The following FGF12 variants were observed in gnomAD, a reference collection of about 807,000 sequenced individuals.
FGF12 encodes fibroblast growth factor 12B.
A neutral mutation model predicts 23.6 loss-of-function variants in FGF12; 14 were observed. The observed-to-expected ratio is 0.59, with a 90% confidence interval of 0.39 to 0.93. FGF12 has a LOEUF of 0.93. Among genes scored for constraint, FGF12 ranks in the 40% least tolerant of loss-of-function variants. FGF12 has a pLI of 0.00. For synonymous variants in FGF12, 62 were observed against 77.3 expected (o/e 0.80, Z 1.04); for missense variants, 175 against 217.8 (o/e 0.80, Z 1.24).
chr3:192,489,800 C>T (rs745547151), intron 2 of FGF12, among the ~76,000 whole-genome samples: 25 of 151,768 alleles, frequency 1.6e-4, no homozygotes, highest in South Asian at 2.1e-4. Flanking sequence ...GACACAGAGA[C>T]GGGAATGACA....
At chr3:192,669,442 C>T (rs537696953) in intron 2 of FGF12, among the ~76,000 whole-genome samples, 1 of 151,392 alleles carries the variant, frequency 6.6e-6, no homozygotes, top group African/African-American at 2.4e-5. Context: ...AAAAATTTAG[C>T]TGGGCATGGT....
intron 4 of FGF12, among the ~76,000 whole-genome samples, chr3:192,281,783 C>G (rs1350172844): frequency 2.0e-5 from 3 of 152,096 alleles, no homozygotes; most frequent in African/African-American, 7.2e-5. Flanking sequence ...TGTGCCTCAG[C>G]CCTCCCAAAG....
chr3:192,361,510 G>A (rs867988833), intron 2 of FGF12, among the ~76,000 whole-genome samples: 1 of 152,216 alleles, frequency 6.6e-6, no homozygotes, highest in Middle Eastern at 3.4e-3. Flanking sequence ...AGGCAAAGAT[G>A]GAAATCATAT....
rs149609155 is a variant in FGF12, at chr3:192,699,505, A to C, written c.13+27676T>G. 1.3e-3 allele frequency among the ~76,000 whole-genome samples: 197 copies of C among 152,332 alleles called. 5 individuals are homozygous for C. The highest frequency in any genetic ancestry group is 0.012 in the South Asian group (58 of 4,826). On this transcript the variant is annotated intron_variant, in intron 2 of 5. Coordinates refer to ENST00000445105, the MANE Select transcript of FGF12 (RefSeq NM_004113.6). ...ACGCTTATTTCTATTTTATAAAAGA[A>C]GAGCACAATGATCTAGGACACGTTA... is the stretch of plus-strand genomic sequence containing the variant.
chr3:192,218,851 T>C (rs1488148934), intron 4 of FGF12, among the ~76,000 whole-genome samples: 1 of 152,176 alleles, frequency 6.6e-6, no homozygotes, highest in Non-Finnish European at 1.5e-5. Context: ...GATTGCTAGA[T>C]TTGCTCCACA....
chr3:192,308,487 G>A (rs1055255567), intron 4 of FGF12, among the ~76,000 whole-genome samples: 5 of 152,124 alleles, frequency 3.3e-5, no homozygotes, highest in Admixed American at 6.5e-5. Context: ...AGACCAGCCT[G>A]ACCAACATGG....
At chr3:192,423,992 C>T (rs576032487) in intron 2 of FGF12, among the ~76,000 whole-genome samples, 4 of 152,034 alleles carry the variant, frequency 2.6e-5, no homozygotes, top group Admixed American at 1.3e-4. Context: ...CTCTGATCTC[C>T]GAAATTTGAA....
intron 2 of FGF12, among the ~76,000 whole-genome samples, chr3:192,706,450 C>T (rs1462174125): frequency 1.3e-5 from 2 of 152,076 alleles, no homozygotes; most frequent in Non-Finnish European, 1.5e-5. Context: ...GAACAGCACC[C>T]GGATGAATTC....
chr3:192,648,398 T>A (rs536492312), intron 2 of FGF12, among the ~76,000 whole-genome samples: 13 of 152,028 alleles, frequency 8.6e-5, no homozygotes, highest in African/African-American at 2.7e-4. Flanking sequence ...CTGAGATACA[T>A]CTATATACAC....
intron 2 of FGF12, among the ~76,000 whole-genome samples, chr3:192,390,362 C>T (rs188033154): frequency 1.4e-3 from 210 of 152,252 alleles, no homozygotes; most frequent in Admixed American, 4.0e-3. Flanking sequence ...TAAGATCTCA[C>T]CAAAGTACAG....
rs11925400 is a variant in FGF12, at chr3:192,624,618, A to G, written c.13+102563T>C. 6.5e-3 allele frequency among the ~76,000 whole-genome samples: 994 copies of G among 152,294 alleles called. 8 individuals carry two copies. Among genetic ancestry groups the G allele is most frequent in the African/African-American group, 0.023 (950 of 41,574 alleles). On this transcript the variant is annotated intron_variant, in intron 2 of 5. Coordinates refer to ENST00000445105, the MANE Select transcript of FGF12 (RefSeq NM_004113.6). ...CTTTAAAAAATCATTTTTCATCAGT[A>G]TTATAAAATAATTATATAGCATCTT...
At chr3:192,723,444 C>T (rs1476752520) in intron 2 of FGF12, among the ~76,000 whole-genome samples, 8 of 152,090 alleles carry the variant, frequency 5.3e-5, no homozygotes, top group African/African-American at 1.7e-4. Context: ...CTGAGATCTA[C>T]ACCAGTGCTT....
intron 2 of FGF12, among the ~76,000 whole-genome samples, chr3:192,661,091 T>C (rs986581572): frequency 6.6e-6 from 1 of 152,070 alleles, no homozygotes; most frequent in Non-Finnish European, 1.5e-5. Context: ...GGGATGATGA[T>C]AAGTGATGAG....
chr3:192,567,091 C>T (rs1244593194), intron 2 of FGF12, among the ~76,000 whole-genome samples: 2 of 152,180 alleles, frequency 1.3e-5, no homozygotes, highest in African/African-American at 4.8e-5. Flanking sequence ...GAGAAGTCAA[C>T]AGGAAAAGGA....
At position 192,727,302 on chromosome 3, in the gene FGF12, T is replaced by TC; in HGVS notation, c.-110dup. On this transcript the variant is annotated 5_prime_UTR_variant, in exon 2 of 6. Coordinates refer to ENST00000445105, the MANE Select transcript of FGF12 (RefSeq NM_004113.6). ...CCAATCTGATGATTTCGCCCGTACT[T>TC]CCTTCCTTCCCCTCAGGCTTCCTGA... is the stretch of plus-strand genomic sequence containing the variant. The TC allele has an allele frequency of 6.4e-7, 1 of 1,551,504 alleles. No homozygotes were observed. The highest frequency in any genetic ancestry group is 8.7e-7 in the Non-Finnish European group (1 of 1,146,868).
At chr3:192,460,684 A>T (rs55958083) in intron 2 of FGF12, among the ~76,000 whole-genome samples, 1,985 of 122,360 alleles carry the variant, frequency 0.016, 8 homozygotes, top group Middle Eastern at 0.038. Flanking sequence ...ACATATATTT[A>T]TATATATATA....
At chr3:192,290,813 G>A (rs919884453) in intron 4 of FGF12, among the ~76,000 whole-genome samples, 3 of 152,062 alleles carry the variant, frequency 2.0e-5, no homozygotes, top group Non-Finnish European at 4.4e-5. Flanking sequence ...TTACATGCAG[G>A]TTGTATCCTT....
intron 4 of FGF12, among the ~76,000 whole-genome samples, chr3:192,286,466 G>C (rs1324329411): frequency 1.3e-5 from 2 of 151,948 alleles, no homozygotes; most frequent in Non-Finnish European, 2.9e-5. Flanking sequence ...CAGTTGCTTA[G>C]AATGATCTGC....
intron 2 of FGF12, among the ~76,000 whole-genome samples, chr3:192,718,551 G>A (rs953537791): frequency 1.3e-5 from 2 of 152,074 alleles, no homozygotes; most frequent in African/African-American, 2.4e-5. Context: ...AGAAAGCCAC[G>A]AGCTCAAACT....
Sources: gnomAD v4.1 joint callset for allele counts (sites outside exome capture counted in the v4.1 genomes callset) on GRCh38, gnomAD v4.1.1 for gene constraint, MANE v1.5 for transcripts, NCBI Gene and HGNC (gene_info 2026-07-23, HGNC 2026-07-21) for gene names.